TSPAN18: variants seen among roughly 807,000 people sequenced by gnomAD.
The protein encoded by TSPAN18 is tetraspanin 18, also known as tetraspanin-18.
TSPAN18 carries 14 observed loss-of-function variants against 27.3 expected under a neutral mutation model. That is an observed-to-expected ratio of 0.51 (90% CI 0.34 to 0.80). The LOEUF (loss-of-function observed/expected upper bound fraction) is 0.80, where lower values mean the gene tolerates loss of function less well. Ranked by LOEUF, TSPAN18 falls within the 30% of genes least tolerant of loss-of-function variation. The pLI, the probability that TSPAN18 is intolerant of heterozygous loss-of-function variation, is 0.01. For missense variants in TSPAN18, 268 were observed against 323.9 expected, an observed-to-expected ratio of 0.83 and a Z score of 1.32; for synonymous variants, 143 against 136.5, an observed-to-expected ratio of 1.05 and a Z score of -0.33.
intron 8 of TSPAN18, among the ~76,000 whole-genome samples, chr11:44,923,090 C>T (rs756479738): frequency 6.6e-6 from 1 of 152,092 alleles, no homozygotes; most frequent in Non-Finnish European, 1.5e-5. Flanking sequence ...GCCTGGGCAG[C>T]ACAGTGAGAC....
In TSPAN18 at chr11:44,908,813, A is replaced by AAG. The variant is rs1564993204; in HGVS notation, c.64-890_64-889dup. Among the ~76,000 whole-genome samples the AAG allele has an allele frequency of 1.7e-5, 2 of 115,862 alleles. 1 individual carries two copies. Among genetic ancestry groups the AAG allele is most frequent in the African/African-American group, 7.0e-5 (2 of 28,522 alleles). The allele number at this position is 115,862 out of a possible 152,430, so 76.0% of individuals were successfully genotyped here. ...AAAGAAAGAAAGAAAGAAAGAAAGA[A>AAG]AGAAAGAAAGAAAGAAAAAGAAAAA... is the stretch of plus-strand genomic sequence containing the variant. On this transcript the variant is annotated intron_variant, in intron 4 of 9. Coordinates refer to ENST00000520358, the MANE Select transcript of TSPAN18 (RefSeq NM_130783.5).
chr11:44,774,741 G>A (rs1223618249), intron 2 of TSPAN18, among the ~76,000 whole-genome samples: 1 of 152,038 alleles, frequency 6.6e-6, no homozygotes, highest in African/African-American at 2.4e-5. Flanking sequence ...GAGTTCGAAG[G>A]ACTCACCACC....
At chr11:44,773,424 A>T (rs1159513736) in intron 2 of TSPAN18, among the ~76,000 whole-genome samples, 1 of 152,054 alleles carries the variant, frequency 6.6e-6, no homozygotes, top group Non-Finnish European at 1.5e-5. Flanking sequence ...CTCAAAAAAA[A>T]ACCCAAAAAA....
At position 44,930,902 on chromosome 11, in the gene TSPAN18, T is replaced by C; in HGVS notation, c.*1724T>C. The C allele has an allele frequency of 3.8e-6, 2 of 525,902 alleles. No homozygotes were observed. The highest frequency in any genetic ancestry group is 7.8e-6 in the Non-Finnish European group (2 of 256,120). The allele number at this position is 525,902 out of a possible 1,614,324, so 32.6% of individuals were successfully genotyped here. ...TCTGTCTCACAAGCCACCGGCATCCTGTATCAGCTTCCAGCCTCCCCTCAG... is the reference window on the plus strand; with the variant it reads ...TCTGTCTCACAAGCCACCGGCATCCCGTATCAGCTTCCAGCCTCCCCTCAG... On this transcript the variant is annotated 3_prime_UTR_variant, in exon 10 of 10. Coordinates refer to ENST00000520358, the MANE Select transcript of TSPAN18 (RefSeq NM_130783.5).
At chr11:44,890,742 C>CAAAAAAAAAA (rs60185116) in intron 3 of TSPAN18, among the ~76,000 whole-genome samples, 1 of 80,464 alleles carries the variant, frequency 1.2e-5, no homozygotes, top group Non-Finnish European at 2.5e-5. Flanking sequence ...GACTCCAACT[C>CAAAAAAAAAA]AAAAAAAAAA....
Position 44,923,979 on chromosome 11 carries a change from C to T in TSPAN18, c.616-2695C>T, listed in dbSNP as rs774055359. 2.6e-5 allele frequency among the ~76,000 whole-genome samples: 4 copies of T among 152,292 alleles called. No individual in the cohort carries two copies. The South Asian group carries it at 6.2e-4, about 24-fold the overall frequency. ...GGCCCAGGTGCCACACAGCAGGGCT[C>T]AGCTTCCCTCTGCTGGACAAGGTCC... On this transcript the variant is annotated intron_variant, in intron 8 of 9. Coordinates refer to ENST00000520358, the MANE Select transcript of TSPAN18 (RefSeq NM_130783.5).
intron 8 of TSPAN18, among the ~76,000 whole-genome samples, chr11:44,920,944 A>G (rs555703368): frequency 1.3e-5 from 2 of 152,362 alleles, no homozygotes; most frequent in Non-Finnish European, 2.9e-5. Context: ...GAGGGGCTAG[A>G]ATGGGCCTTG....
chr11:44,822,689 G>A (rs568201637), intron 2 of TSPAN18, among the ~76,000 whole-genome samples: 14 of 152,142 alleles, frequency 9.2e-5, no homozygotes, highest in African/African-American at 3.4e-4. Context: ...CACCCTTCTG[G>A]AATTACAACC....
intron 3 of TSPAN18, among the ~76,000 whole-genome samples, chr11:44,897,428 T>C (rs1175381927): frequency 6.6e-6 from 1 of 152,106 alleles, no homozygotes; most frequent in East Asian, 1.9e-4. Flanking sequence ...ACCCATCATC[T>C]CCTCCCAGGC....
intron 8 of TSPAN18, among the ~76,000 whole-genome samples, chr11:44,924,097 T>TGTGTGTGTGTGTGTGTGTGTG (rs1554941244): frequency 6.2e-5 from 9 of 145,874 alleles, no homozygotes; most frequent in African/African-American, 2.3e-4. Flanking sequence ...CCTTCTGGGG[T>TGTGTGTGTGTGTGTGTGTGTG]TGTGTGTGTG....
chr11:44,786,677 G>A (rs561484902), intron 2 of TSPAN18, among the ~76,000 whole-genome samples: 167 of 142,408 alleles, frequency 1.2e-3, no homozygotes, highest in African/African-American at 4.0e-3. Context: ...TGTTGCCCAG[G>A]CTGTAGTGCA....
intron 2 of TSPAN18, among the ~76,000 whole-genome samples, chr11:44,854,202 G>GT (rs1183412128): frequency 1.7e-5 from 2 of 121,090 alleles, no homozygotes; most frequent in Non-Finnish European, 3.2e-5. Flanking sequence ...GCAGGGGGTG[G>GT]GGGGGGGGGT....
rs1400450425 is a variant in TSPAN18 at position 44,930,981 on chromosome 11, T to C, written c.*1803T>C. ...CCACAGCCTAGAGCCCCGTGTTCCC[T>C]GGCCTGTGCGTCTGCCCCCTTCTGA... On this transcript the variant is annotated 3_prime_UTR_variant, in exon 10 of 10. Transcript: ENST00000520358. 1 of 480,758 alleles carries C rather than the reference T, an allele frequency of 2.1e-6. No homozygotes were observed. The highest frequency in any genetic ancestry group is 1.5e-5 in the South Asian group (1 of 65,222). 29.8% of individuals were successfully genotyped at this position (480,758 alleles called of 1,614,324 possible).
intron 2 of TSPAN18, among the ~76,000 whole-genome samples, chr11:44,801,824 G>T (rs1445424529): frequency 6.6e-6 from 1 of 152,116 alleles, no homozygotes; most frequent in Non-Finnish European, 1.5e-5. Context: ...TTAAACCCAG[G>T]AGTTTGAGAC....
intron 3 of TSPAN18, among the ~76,000 whole-genome samples, chr11:44,905,095 A>G (rs1859406077): frequency 6.6e-6 from 1 of 152,206 alleles, no homozygotes; most frequent in African/African-American, 2.4e-5. Context: ...ATAATTGTAT[A>G]TGTTTATGGA....
chr11:44,911,502 G>C (rs761699875), intron 5 of TSPAN18, among the ~76,000 whole-genome samples: 4 of 152,132 alleles, frequency 2.6e-5, no homozygotes, highest in Non-Finnish European at 2.9e-5. Context: ...GAAAAACTTT[G>C]AGCGCCCCCT....
intron 2 of TSPAN18, among the ~76,000 whole-genome samples, chr11:44,804,776 A>C (rs545200710): frequency 6.7e-6 from 1 of 148,322 alleles, no homozygotes; most frequent in African/African-American, 2.5e-5. Flanking sequence ...CTAAAACAAC[A>C]ACTGGATTGC....
intron 1 of TSPAN18, among the ~76,000 whole-genome samples, chr11:44,730,402 CAG>C (rs1382055809): frequency 6.6e-6 from 1 of 152,122 alleles, no homozygotes; most frequent in Non-Finnish European, 1.5e-5. Flanking sequence ...GAGGGAAAAT[CAG>C]GAACATTTGT....
At chr11:44,894,632 G>A (rs776263496) in intron 3 of TSPAN18, among the ~76,000 whole-genome samples, 10 of 152,230 alleles carry the variant, frequency 6.6e-5, no homozygotes, top group African/African-American at 1.9e-4. Context: ...GCAGGGGTCC[G>A]CCGAGGAAAG....
Sources: gnomAD v4.1 joint callset for allele counts (sites outside exome capture counted in the v4.1 genomes callset) on GRCh38, gnomAD v4.1.1 for gene constraint, MANE v1.5 for transcripts, NCBI Gene and HGNC (gene_info 2026-07-23, HGNC 2026-07-21) for gene names.